Variants in PDE7B observed in about 807,000 individuals in gnomAD.
PDE7B encodes phosphodiesterase 7B.
A neutral mutation model predicts 56.2 loss-of-function variants in PDE7B; 29 were observed. That is an observed-to-expected ratio of 0.52 (90% CI 0.38 to 0.70). The LOEUF (loss-of-function observed/expected upper bound fraction) is 0.70. Among genes scored for constraint, PDE7B ranks in the 30% least tolerant of loss-of-function variants. The pLI is 0.00. For missense variants in PDE7B, 490 were observed against 565.0 expected (o/e 0.87, Z 1.35); for synonymous variants, 197 against 196.9 (o/e 1.00, Z 0.00).
At chr6:135,937,294 G>A (rs987444411) in intron 1 of PDE7B, among the ~76,000 whole-genome samples, 9 of 152,106 alleles carry the variant, frequency 5.9e-5, no homozygotes, top group African/African-American at 1.4e-4. Flanking sequence ...CCAGATCCAC[G>A]GCCTGCAGCA....
At chr6:136,111,720 C>T (rs1280571537) in intron 3 of PDE7B, among the ~76,000 whole-genome samples, 1 of 152,184 alleles carries the variant, frequency 6.6e-6, no homozygotes, top group Non-Finnish European at 1.5e-5. Flanking sequence ...AGGGAAACAT[C>T]TTGGGACATT....
Position 136,011,792 on chromosome 6 carries a change from G to A in PDE7B, c.82+64268G>A, listed in dbSNP as rs534932347. Among the ~76,000 whole-genome samples, 3 of 152,246 alleles carry A rather than the reference G, an allele frequency of 2.0e-5. No individual in the cohort carries two copies. The South Asian group carries it at 6.2e-4, about 32-fold the overall frequency. On this transcript the variant is annotated intron_variant, in intron 2 of 12. Coordinates refer to ENST00000308191, the MANE Select transcript of PDE7B (RefSeq NM_018945.4). ...CAGAGTGGCTGCACTTGGAATCATA[G>A]GATGTGCAGGTATCTGTGGTCAGAT...
intron 2 of PDE7B, among the ~76,000 whole-genome samples, chr6:135,976,773 G>C (rs181549816): frequency 1.3e-5 from 2 of 152,120 alleles, no homozygotes; most frequent in African/African-American, 2.4e-5. Context: ...TCTGCAAATA[G>C]TATGATAATA....
chr6:136,067,245 G>A (rs552594615), intron 2 of PDE7B, among the ~76,000 whole-genome samples: 1 of 152,174 alleles, frequency 6.6e-6, no homozygotes, highest in African/African-American at 2.4e-5. Flanking sequence ...AATAAGATGA[G>A]GCATGCATGT....
chr6:136,008,975 A>C (rs1398294510), intron 2 of PDE7B, among the ~76,000 whole-genome samples: 2 of 152,004 alleles, frequency 1.3e-5, no homozygotes, highest in South Asian at 4.2e-4. Flanking sequence ...TAGGTCTAAC[A>C]TTTAAGTCTT....
chr6:136,083,189 G>C (rs1283123443), intron 2 of PDE7B, among the ~76,000 whole-genome samples: 2 of 152,218 alleles, frequency 1.3e-5, no homozygotes, highest in African/African-American at 4.8e-5. Context: ...GAGAGGGTCT[G>C]TGAGAGAACA....
At chr6:136,082,934 C>T (rs896757354) in intron 2 of PDE7B, among the ~76,000 whole-genome samples, 3 of 152,054 alleles carry the variant, frequency 2.0e-5, no homozygotes, top group Non-Finnish European at 2.9e-5. Context: ...CCTCTTTTGA[C>T]CAGGAAAAGG....
chr6:136,118,862 A>G (rs12206084), intron 3 of PDE7B, among the ~76,000 whole-genome samples: 14,936 of 151,880 alleles, frequency 0.098, 2,369 homozygotes, highest in African/African-American at 0.33. Flanking sequence ...CTATAACTGA[A>G]TGAGAAAATA....
At chr6:136,126,040 C>A (rs1778018273) in intron 3 of PDE7B, among the ~76,000 whole-genome samples, 2 of 152,204 alleles carry the variant, frequency 1.3e-5, no homozygotes, top group South Asian at 2.1e-4. Flanking sequence ...CAACTTATGA[C>A]AAATAATGTT....
At chr6:136,087,556 T>G (rs1777313464) in intron 2 of PDE7B, among the ~76,000 whole-genome samples, 1 of 152,216 alleles carries the variant, frequency 6.6e-6, no homozygotes, top group Admixed American at 6.5e-5. Flanking sequence ...CCTAGTTAAC[T>G]TTCACTTTGG....
chr6:136,156,810 G>C (rs921400632), intron 8 of PDE7B, among the ~76,000 whole-genome samples: 1 of 152,060 alleles, frequency 6.6e-6, no homozygotes, highest in African/African-American at 2.4e-5. Context: ...AAAATAATAG[G>C]AAACTTCAAT....
At chr6:136,176,298 T>C (rs1778975808) in intron 9 of PDE7B, among the ~76,000 whole-genome samples, 2 of 152,070 alleles carry the variant, frequency 1.3e-5, no homozygotes, top group Admixed American at 6.6e-5. Context: ...TAAGTATTCA[T>C]ATCTTCAAAG....
chr6:135,979,945 A>C (rs1775264989), intron 2 of PDE7B, among the ~76,000 whole-genome samples: 1 of 152,168 alleles, frequency 6.6e-6, no homozygotes. Flanking sequence ...AACTACTTTA[A>C]AGTTCATATG....
chr6:136,188,395 T>C (rs1486271191), intron 12 of PDE7B, among the ~76,000 whole-genome samples: 1 of 152,164 alleles, frequency 6.6e-6, no homozygotes, highest in Non-Finnish European at 1.5e-5. Context: ...AATACAGAGT[T>C]GCTGGGTGGC....
At chr6:136,161,244 A>AT (rs1161670530) in intron 8 of PDE7B, among the ~76,000 whole-genome samples, 2 of 152,028 alleles carry the variant, frequency 1.3e-5, no homozygotes, top group Non-Finnish European at 2.9e-5. Context: ...CTCCTATGAG[A>AT]TTTTCCAGTA....
At chr6:136,172,324 G>T (rs1267096380) in intron 8 of PDE7B, among the ~76,000 whole-genome samples, 1 of 152,104 alleles carries the variant, frequency 6.6e-6, no homozygotes, top group Non-Finnish European at 1.5e-5. Context: ...TTTAATGATT[G>T]CCATTCTAAC....
intron 2 of PDE7B, among the ~76,000 whole-genome samples, chr6:136,054,924 G>A (rs1347952783): frequency 6.6e-6 from 1 of 152,136 alleles, no homozygotes; most frequent in Non-Finnish European, 1.5e-5. Context: ...TCACTATCAC[G>A]AGAAGAACAC....
chr6:135,906,820 T>TTTG (rs1554265675), intron 1 of PDE7B, among the ~76,000 whole-genome samples: 1 of 145,690 alleles, frequency 6.9e-6, no homozygotes, highest in Non-Finnish European at 1.5e-5. Context: ...GTTTTTTTTT[T>TTTG]TTTTTTTTTT....
intron 1 of PDE7B, among the ~76,000 whole-genome samples, chr6:135,869,113 T>G (rs1775322627): frequency 6.6e-6 from 1 of 152,168 alleles, no homozygotes; most frequent in South Asian, 2.1e-4. Flanking sequence ...ACCAGATGAC[T>G]GGTATATGAT....
Sources: allele counts gnomAD v4.1 joint callset (sites outside exome capture counted in the v4.1 genomes callset), GRCh38; gene constraint gnomAD v4.1.1; transcripts MANE v1.5; gene names NCBI Gene and HGNC (gene_info 2026-07-23, HGNC 2026-07-21).